The following ARNT2 variants were observed in gnomAD, a reference collection of about 807,000 sequenced individuals.
ARNT2 encodes the protein aryl hydrocarbon receptor nuclear translocator 2.
ARNT2 carries 36 observed loss-of-function variants against 91.7 expected under a neutral mutation model. The observed-to-expected ratio is 0.39, with a 90% CI of 0.30 to 0.52. The LOEUF is 0.52. ARNT2 is among the 20% of genes least tolerant of loss of function. ARNT2 has a pLI of 0.72. For synonymous variants in ARNT2, 365 were observed against 347.1 expected (o/e 1.05, Z -0.57); for missense variants, 775 against 939.3 (o/e 0.83, Z 2.29).
intron 3 of ARNT2, among the ~76,000 whole-genome samples, chr15:80,469,821 G>T (rs1167717122): frequency 6.6e-6 from 1 of 152,186 alleles, no homozygotes; most frequent in Non-Finnish European, 1.5e-5. Context: ...TACCATGTTG[G>T]TCAGGCTGGT....
intron 8 of ARNT2, among the ~76,000 whole-genome samples, chr15:80,545,432 G>T (rs777591186): frequency 1.1e-4 from 17 of 152,210 alleles, no homozygotes; most frequent in Non-Finnish European, 2.1e-4. Flanking sequence ...TAAATGTCAT[G>T]AAAAGCCATG....
At chr15:80,446,903 A>G (rs1490282675) in intron 1 of ARNT2, among the ~76,000 whole-genome samples, 1 of 152,174 alleles carries the variant, frequency 6.6e-6, no homozygotes, top group African/African-American at 2.4e-5. Flanking sequence ...CCAGTTATAT[A>G]TACTTTCTCC....
chr15:80,479,018 G>A (rs1448418011), intron 5 of ARNT2, among the ~76,000 whole-genome samples: 1 of 152,196 alleles, frequency 6.6e-6, no homozygotes. Flanking sequence ...TGGAGTGGAG[G>A]TGGCTTAACT....
intron 8 of ARNT2, among the ~76,000 whole-genome samples, chr15:80,534,251 C>T (rs945941335): frequency 1.3e-5 from 2 of 151,988 alleles, no homozygotes; most frequent in African/African-American, 2.4e-5. Context: ...TGATGTACAA[C>T]GTGAGAAAAT....
intron 4 of ARNT2, among the ~76,000 whole-genome samples, chr15:80,472,050 C>A (rs1896739515): frequency 6.6e-6 from 1 of 151,808 alleles, no homozygotes; most frequent in Non-Finnish European, 1.5e-5. Flanking sequence ...TCTCCAAGAG[C>A]TTTTGCAGGA....
At chr15:80,562,117 C>T (rs1009366234) in intron 11 of ARNT2, among the ~76,000 whole-genome samples, 1 of 151,752 alleles carries the variant, frequency 6.6e-6, no homozygotes, top group African/African-American at 2.4e-5. Flanking sequence ...CTCCATCACC[C>T]AGGCTGGAGT....
intron 4 of ARNT2, among the ~76,000 whole-genome samples, chr15:80,471,175 C>T (rs1896726624): frequency 6.6e-6 from 1 of 152,206 alleles, no homozygotes; most frequent in African/African-American, 2.4e-5. Context: ...GGTACATATA[C>T]ACCATAGAAT....
intron 5 of ARNT2, among the ~76,000 whole-genome samples, chr15:80,481,075 C>A (rs1272373213): frequency 1.3e-5 from 2 of 151,676 alleles, no homozygotes; most frequent in Non-Finnish European, 2.9e-5. Flanking sequence ...CCAGGTTGGT[C>A]CCCAAGGGAT....
intron 1 of ARNT2, among the ~76,000 whole-genome samples, chr15:80,413,255 C>T (rs1483866024): frequency 6.6e-6 from 1 of 152,198 alleles, no homozygotes; most frequent in Non-Finnish European, 1.5e-5. Context: ...TCTCCCTCCA[C>T]CCCCTCCCTT....
rs1041977308 is a variant in ARNT2, at chr15:80,476,768, A to G, written c.622+1545A>G. Among the ~76,000 whole-genome samples, 15 of 152,360 alleles carry G rather than the reference A, an allele frequency of 9.8e-5. 4 individuals are homozygous for G. On this transcript the variant is annotated intron_variant, in intron 5 of 18. Coordinates refer to ENST00000303329, the MANE Select transcript of ARNT2 (RefSeq NM_014862.4). Reference sequence around the variant, plus strand: ...CTGGAGGCTGGGCATTCAGTGTCCTAATCCATTTGGGCTGCTATAACAAAA... The same window carrying G: ...CTGGAGGCTGGGCATTCAGTGTCCTGATCCATTTGGGCTGCTATAACAAAA...
chr15:80,422,159 T>C (rs1007583322), intron 1 of ARNT2, among the ~76,000 whole-genome samples: 2 of 152,142 alleles, frequency 1.3e-5, no homozygotes, highest in African/African-American at 2.4e-5. Flanking sequence ...TGTATTAAGA[T>C]TCAAAGAGAA....
chr15:80,444,034 A>G (rs934719995), intron 1 of ARNT2, among the ~76,000 whole-genome samples: 7 of 152,214 alleles, frequency 4.6e-5, no homozygotes, highest in African/African-American at 1.7e-4. Flanking sequence ...GCTGCACCAG[A>G]TGCCTGTCTT....
intron 1 of ARNT2, among the ~76,000 whole-genome samples, chr15:80,411,325 A>G (rs1175851775): frequency 1.3e-5 from 2 of 152,166 alleles, no homozygotes; most frequent in African/African-American, 2.4e-5. Context: ...GGCACCTACC[A>G]TATTGCTTCC....
intron 17 of ARNT2, among the ~76,000 whole-genome samples, chr15:80,590,799 G>GT (rs139834918): frequency 3.3e-5 from 5 of 152,168 alleles, no homozygotes; most frequent in Admixed American, 2.6e-4. Context: ...TCCATTGGCT[G>GT]TTTTTTTGTA....
At position 80,404,605 on chromosome 15, in the gene ARNT2, G is replaced by C. The variant is rs1895570019; in HGVS notation, c.31+59G>C. The C allele has an allele frequency of 9.8e-7, 1 of 1,018,578 alleles. No individual in the cohort carries two copies. The highest frequency in any genetic ancestry group is 1.2e-6 in the Non-Finnish European group (1 of 851,202). The allele number at this position is 1,018,578 out of a possible 1,614,324, so 63.1% of individuals were successfully genotyped here. A position where few individuals can be genotyped will look rare whatever the true frequency, so the allele number is the denominator to read the frequency against. On this transcript the variant is annotated intron_variant, in intron 1 of 18. Transcript: ENST00000303329. This position sits in a 1 kb window ranked among gnomAD's most constrained non-coding sequence, Gnocchi z 5.5. ...AGCCCGCAGGCCTTGCCCGGGGCCG[G>C]AGCGGACCAGGCGCGCCGGGCGCCC...
chr15:80,456,354 C>T (rs1000364216), intron 2 of ARNT2, among the ~76,000 whole-genome samples: 16 of 151,836 alleles, frequency 1.1e-4, no homozygotes, highest in Admixed American at 4.6e-4. Context: ...TCATTACTGT[C>T]ATCTTTTCCA....
rs981266025 is a variant in ARNT2 at position 80,594,375 on chromosome 15, G to C, written c.*677G>C. 2 of 152,366 alleles carry C rather than the reference G, an allele frequency of 1.3e-5. No homozygotes were observed. Among genetic ancestry groups the C allele is most frequent in the Non-Finnish European group, 2.9e-5 (2 of 68,142 alleles). The allele number at this position is 152,366 out of a possible 1,614,324, so 9.4% of individuals were successfully genotyped here. ...TTGTATAGAATCCAGAGTATGTAGA[G>C]AGCCAAAATGTGTGGCCCTGTCCCC... On this transcript the variant is annotated 3_prime_UTR_variant, in exon 19 of 19. Coordinates refer to ENST00000303329, the MANE Select transcript of ARNT2 (RefSeq NM_014862.4).
chr15:80,539,236 T>A (rs1253657675), intron 8 of ARNT2, among the ~76,000 whole-genome samples: 1 of 152,120 alleles, frequency 6.6e-6, no homozygotes, highest in Non-Finnish European at 1.5e-5. Context: ...CAATTTCATG[T>A]GTTAGGATAA....
intron 11 of ARNT2, among the ~76,000 whole-genome samples, chr15:80,559,238 G>T (rs958652096): frequency 1.3e-5 from 2 of 152,226 alleles, no homozygotes; most frequent in Admixed American, 6.5e-5. Flanking sequence ...TGATATCCAG[G>T]TTAAGTAACT....
Sources: allele counts gnomAD v4.1 joint callset (sites outside exome capture counted in the v4.1 genomes callset), GRCh38; gene constraint gnomAD v4.1.1; non-coding constraint Gnocchi (gnomAD v3.1); transcripts MANE v1.5; gene names NCBI Gene and HGNC (gene_info 2026-07-23, HGNC 2026-07-21).